CTNNA2: variants seen among roughly 807,000 people sequenced by gnomAD.
CTNNA2 encodes catenin alpha-2.
CTNNA2 carries 42 observed loss-of-function variants against 101.0 expected under a neutral mutation model. The observed-to-expected ratio is 0.42, with a 90% CI of 0.32 to 0.54. CTNNA2 has a LOEUF of 0.54. CTNNA2 is among the 20% of genes least tolerant of loss of function. The pLI, the probability that CTNNA2 is intolerant of heterozygous loss-of-function variation, is 0.14. For synonymous variants in CTNNA2, 450 were observed against 456.4 expected, an observed-to-expected ratio of 0.99 and a Z score of 0.18; for missense variants, 871 against 1,223.1, an observed-to-expected ratio of 0.71 and a Z score of 4.29.
intron 18 of CTNNA2, among the ~76,000 whole-genome samples, chr2:80,636,292 G>T (rs1056998347): frequency 6.6e-6 from 1 of 152,098 alleles, no homozygotes; most frequent in South Asian, 2.1e-4. Flanking sequence ...GAGATGGCAG[G>T]TGCTGGCTTC....
At chr2:80,561,337 A>G (rs1466221442) in intron 12 of CTNNA2, among the ~76,000 whole-genome samples, 1 of 152,228 alleles carries the variant, frequency 6.6e-6, no homozygotes, top group African/African-American at 2.4e-5. Context: ...TTAAATAGAT[A>G]ACGTATAATT....
chr2:80,011,394 A>C (rs936541801), intron 7 of CTNNA2, among the ~76,000 whole-genome samples: 4 of 152,146 alleles, frequency 2.6e-5, no homozygotes, highest in African/African-American at 9.7e-5. Flanking sequence ...CTTGGCCCAT[A>C]ACTGTTTGGC....
At chr2:80,500,991 A>C (rs1313468970) in intron 9 of CTNNA2, among the ~76,000 whole-genome samples, 1 of 152,172 alleles carries the variant, frequency 6.6e-6, no homozygotes, top group Non-Finnish European at 1.5e-5. Context: ...GGTCAGGTTC[A>C]CTTTGATTCC....
chr2:80,273,232 C>T (rs1024033143), intron 7 of CTNNA2, among the ~76,000 whole-genome samples: 2 of 152,116 alleles, frequency 1.3e-5, no homozygotes, highest in Admixed American at 6.6e-5. Context: ...CAACTTCACC[C>T]TTTTGGTTAC....
At chr2:79,620,449 A>G (rs1277817996) in intron 1 of CTNNA2, among the ~76,000 whole-genome samples, 1 of 151,972 alleles carries the variant, frequency 6.6e-6, no homozygotes, top group Non-Finnish European at 1.5e-5. Flanking sequence ...TTCACACTCC[A>G]CCCTCTCCAC....
chr2:79,755,628 C>CCATA (rs1672347386), intron 3 of CTNNA2, among the ~76,000 whole-genome samples: 1 of 152,158 alleles, frequency 6.6e-6, no homozygotes, highest in African/African-American at 2.4e-5. Context: ...ATAAGTCTAG[C>CCATA]CATAACTCCA....
chr2:80,526,489 C>T (rs564407562), intron 9 of CTNNA2, among the ~76,000 whole-genome samples: 17 of 152,090 alleles, frequency 1.1e-4, no homozygotes, highest in East Asian at 9.7e-4. Flanking sequence ...TGCGTCACCA[C>T]GCCTGGCTAA....
chr2:80,337,027 T>C (rs2149271732), intron 7 of CTNNA2, among the ~76,000 whole-genome samples: 1 of 152,196 alleles, frequency 6.6e-6, no homozygotes, highest in East Asian at 1.9e-4. Context: ...GCAAATTACC[T>C]GGAAATGTTC....
At chr2:79,567,850 C>G (rs1026873389) in intron 1 of CTNNA2, among the ~76,000 whole-genome samples, 12 of 152,030 alleles carry the variant, frequency 7.9e-5, no homozygotes, top group African/African-American at 2.9e-4. Flanking sequence ...AAACTGGAGG[C>G]TCTAATCAGG....
chr2:79,230,772 A>G (rs902776258), intron 2 of CTNNA2, among the ~76,000 whole-genome samples: 22 of 152,206 alleles, frequency 1.4e-4, no homozygotes, highest in African/African-American at 5.3e-4. Flanking sequence ...GCAAAGCCAC[A>G]GGGGCAGAGC....
Position 80,364,556 on chromosome 2 carries a change from A to AT in CTNNA2, c.1057-28635dup, listed in dbSNP as rs57073635. On this transcript the variant is annotated intron_variant, in intron 7 of 18. Transcript: ENST00000402739. ...CTGTATTATAATTTGAGAGAAAGTA[A>AT]TTTTTTTTTTTTTTTTTTTTCTGAT... Among the ~76,000 whole-genome samples, 1,137 of 123,474 alleles carry AT rather than the reference A, an allele frequency of 9.2e-3. 10 individuals are homozygous for AT. Among genetic ancestry groups the AT allele is most frequent in the Non-Finnish European group, 0.01 (619 of 59,898 alleles). 81.0% of individuals were successfully genotyped at this position (123,474 alleles called of 152,430 possible).
chr2:80,431,915 T>C (rs1436256099), intron 9 of CTNNA2, among the ~76,000 whole-genome samples: 1 of 152,134 alleles, frequency 6.6e-6, no homozygotes. Context: ...TTTTTCTTTT[T>C]CTTTTTCTGT....
chr2:79,589,055 T>G, intron 1 of CTNNA2, among the ~76,000 whole-genome samples: 1 of 152,198 alleles, frequency 6.6e-6, no homozygotes, highest in Non-Finnish European at 1.5e-5. Flanking sequence ...GGCAATGGTG[T>G]GAAACAGTCC....
chr2:79,223,891 G>T (rs1276091114), intron 2 of CTNNA2, among the ~76,000 whole-genome samples: 8 of 152,172 alleles, frequency 5.3e-5, no homozygotes, highest in African/African-American at 1.9e-4. Context: ...ATTAATAGAG[G>T]CTTCTTGCAA....
At chr2:80,603,104 G>T (rs1245022122) in intron 15 of CTNNA2, among the ~76,000 whole-genome samples, 5 of 151,866 alleles carry the variant, frequency 3.3e-5, no homozygotes, top group Non-Finnish European at 7.4e-5. Context: ...TCTAACTACA[G>T]GAATGTAATC....
At chr2:79,267,472 C>A (rs191761187) in intron 2 of CTNNA2, among the ~76,000 whole-genome samples, 1 of 152,178 alleles carries the variant, frequency 6.6e-6, no homozygotes, top group East Asian at 1.9e-4. Context: ...GCCTCATGAC[C>A]TAATCACCTA....
At chr2:79,197,734 C>A (rs546517026) in intron 1 of CTNNA2, among the ~76,000 whole-genome samples, 1 of 152,082 alleles carries the variant, frequency 6.6e-6, no homozygotes, top group Admixed American at 6.6e-5. Flanking sequence ...GCCTCTGTGC[C>A]GTGGGTTTTA....
At chr2:79,941,259 A>G (rs931670341) in intron 7 of CTNNA2, among the ~76,000 whole-genome samples, 1 of 152,200 alleles carries the variant, frequency 6.6e-6, no homozygotes, top group Non-Finnish European at 1.5e-5. Flanking sequence ...TAACCTTTCA[A>G]TGTGGTCTTA....
intron 7 of CTNNA2, among the ~76,000 whole-genome samples, chr2:80,032,438 T>A (rs574145116): frequency 1.3e-5 from 2 of 152,292 alleles, no homozygotes; most frequent in Non-Finnish European, 2.9e-5. Flanking sequence ...ATACTAATAA[T>A]GTACAAAGGT....
Sources: gnomAD v4.1 joint callset for allele counts (sites outside exome capture counted in the v4.1 genomes callset) on GRCh38, gnomAD v4.1.1 for gene constraint, MANE v1.5 for transcripts, NCBI Gene and HGNC (gene_info 2026-07-23, HGNC 2026-07-21) for gene names.